The following LRRTM3 variants were observed in gnomAD, a reference collection of about 807,000 sequenced individuals.
The protein encoded by LRRTM3 is leucine rich repeat transmembrane neuronal 3, also known as leucine-rich repeat transmembrane neuronal protein 3.
A neutral mutation model predicts 44.7 loss-of-function variants in LRRTM3; 24 were observed. The observed-to-expected ratio is 0.54, with a 90% CI of 0.39 to 0.76. LRRTM3 has a LOEUF of 0.76. Ranked by LOEUF, LRRTM3 falls within the 30% of genes least tolerant of loss-of-function variation. The pLI is 0.00. For synonymous variants in LRRTM3, 277 were observed against 278.7 expected, an observed-to-expected ratio of 0.99 and a Z score of 0.06; for missense variants, 587 against 702.2, an observed-to-expected ratio of 0.84 and a Z score of 1.85.
intron 2 of LRRTM3, among the ~76,000 whole-genome samples, chr10:67,059,177 C>T (rs1053920735): frequency 6.6e-6 from 1 of 152,060 alleles, no homozygotes; most frequent in African/African-American, 2.4e-5. Flanking sequence ...AACATAACAT[C>T]CACTTTCTAA....
At chr10:66,960,884 C>G (rs1849072109) in intron 2 of LRRTM3, among the ~76,000 whole-genome samples, 1 of 152,094 alleles carries the variant, frequency 6.6e-6, no homozygotes, top group Non-Finnish European at 1.5e-5. Flanking sequence ...CTGTAGAAAT[C>G]TTGAGAGTGA....
chr10:66,939,308 T>A (rs1037115968), intron 2 of LRRTM3, among the ~76,000 whole-genome samples: 2 of 152,170 alleles, frequency 1.3e-5, no homozygotes, highest in Admixed American at 6.6e-5. Flanking sequence ...TTTCTTTTTC[T>A]CTTTCTCATC....
chr10:66,961,951 C>G (rs1849131080), intron 2 of LRRTM3, among the ~76,000 whole-genome samples: 1 of 152,140 alleles, frequency 6.6e-6, no homozygotes, highest in African/African-American at 2.4e-5. Context: ...CAACTCATCA[C>G]TAAATTCTAT....
At chr10:67,057,096 G>A (rs1203441938) in intron 2 of LRRTM3, among the ~76,000 whole-genome samples, 3 of 152,228 alleles carry the variant, frequency 2.0e-5, no homozygotes, top group African/African-American at 7.2e-5. Flanking sequence ...AAAGTTAGCT[G>A]ATCTAAAACA....
intron 2 of LRRTM3, chr10:67,012,276 T>C (rs1339113309): frequency 2.0e-5 from 3 of 152,174 alleles, no homozygotes; most frequent in African/African-American, 7.2e-5. Flanking sequence ...ATTCATTTCA[T>C]GGGTAGAGAA....
At position 66,927,696 on chromosome 10, in the gene LRRTM3, A is replaced by G. The variant is rs1564772325; in HGVS notation, c.780A>G (p.Leu260=). Residue 260 remains leucine, a synonymous_variant, in exon 2 of 3, where the codon TTA becomes TTG. Coordinates refer to ENST00000361320, the MANE Select transcript of LRRTM3 (RefSeq NM_178011.5). The surrounding 1 kb of genome is among the most constrained non-coding windows in gnomAD (Gnocchi z 4.7). ...GGAGCTCCTTACAAAGGCTTGATTT[A>G]TCAGGCAATGAGATCGAAGCTTTCA... The part of the protein sequence containing the change: ...WTWSSLQRLD[L]SGNEIEAFSG... The G allele has an allele frequency of 6.2e-7, 1 of 1,614,192 alleles. No individual in the cohort carries two copies.
intron 2 of LRRTM3, among the ~76,000 whole-genome samples, chr10:67,097,317 CT>C (rs1188838658): frequency 2.0e-5 from 3 of 151,834 alleles, no homozygotes; most frequent in Non-Finnish European, 4.4e-5. Context: ...TCCAATAAAT[CT>C]TTTATCATTT....
At chr10:66,966,585 A>G (rs1391841953) in intron 2 of LRRTM3, among the ~76,000 whole-genome samples, 1 of 152,088 alleles carries the variant, frequency 6.6e-6, no homozygotes, top group Non-Finnish European at 1.5e-5. Flanking sequence ...ACTGTAGGTC[A>G]GTTTTAGTGT....
In LRRTM3 at chr10:67,019,570, A is replaced by C. The variant is rs530097755; in HGVS notation, c.1537-78017A>C. On this transcript the variant is annotated intron_variant, in intron 2 of 2. Transcript: ENST00000361320. ...CAAGAACTTTATCGTATATAAAATT[A>C]TGTACACTTTATAAATAAGAAATAT... Among the ~76,000 whole-genome samples the C allele has an allele frequency of 1.3e-4, 20 of 152,332 alleles. 1 individual carries two copies. The South Asian group carries it at 3.5e-3, about 27-fold the overall frequency.
At chr10:67,094,791 C>G (rs1278758845) in intron 2 of LRRTM3, among the ~76,000 whole-genome samples, 9 of 151,462 alleles carry the variant, frequency 5.9e-5, no homozygotes, top group African/African-American at 1.9e-4. Context: ...AAAGACTTAC[C>G]TGAACACAAT....
rs1283842388 is a variant in LRRTM3, at chr10:66,942,591, T to C, written c.1536+14139T>C. 2.0e-5 allele frequency among the ~76,000 whole-genome samples: 3 copies of C among 151,630 alleles called. No homozygotes were observed. The South Asian group carries it at 6.2e-4, about 32-fold the overall frequency. On this transcript the variant is annotated intron_variant, in intron 2 of 2. Coordinates refer to ENST00000361320, the MANE Select transcript of LRRTM3 (RefSeq NM_178011.5). The stretch of plus-strand genomic sequence containing the variant: ...CTCTCTCTCTCTGTGTGTGTGTATG[T>C]GTGTGTGTGTGTCTGCGTGTGTGTG...
At chr10:67,001,734 C>G (rs1230178113) in intron 2 of LRRTM3, among the ~76,000 whole-genome samples, 1 of 152,052 alleles carries the variant, frequency 6.6e-6, no homozygotes, top group Non-Finnish European at 1.5e-5. Context: ...TTGTCAGGCA[C>G]ACATCAAGGA....
At chr10:67,037,984 TA>T (rs1041253502) in intron 2 of LRRTM3, among the ~76,000 whole-genome samples, 1 of 152,014 alleles carries the variant, frequency 6.6e-6, no homozygotes, top group Non-Finnish European at 1.5e-5. Context: ...TTAACATGAA[TA>T]AACAGAAAAA....
intron 2 of LRRTM3, among the ~76,000 whole-genome samples, chr10:67,083,413 A>G (rs1423560325): frequency 6.6e-6 from 1 of 151,990 alleles, no homozygotes; most frequent in African/African-American, 2.4e-5. Flanking sequence ...AAAAAAAAGT[A>G]TAGTCCTATC....
chr10:66,974,346 G>T (rs1794323138), intron 2 of LRRTM3, among the ~76,000 whole-genome samples: 1 of 152,130 alleles, frequency 6.6e-6, no homozygotes, highest in African/African-American at 2.4e-5. Context: ...CATTTTAATT[G>T]CTGAGTAATA....
chr10:67,003,025 A>G (rs1361079391), intron 2 of LRRTM3, among the ~76,000 whole-genome samples: 1 of 152,164 alleles, frequency 6.6e-6, no homozygotes, highest in African/African-American at 2.4e-5. Context: ...TTATGATACT[A>G]TTTATAATGC....
chr10:67,002,471 G>C (rs1851745375), intron 2 of LRRTM3, among the ~76,000 whole-genome samples: 1 of 152,104 alleles, frequency 6.6e-6, no homozygotes, highest in African/African-American at 2.4e-5. Flanking sequence ...CCAAGCCATA[G>C]ATAAGAGCTA....
intron 2 of LRRTM3, among the ~76,000 whole-genome samples, chr10:67,011,344 A>C (rs1423539812): frequency 6.6e-6 from 1 of 151,890 alleles, no homozygotes; most frequent in Non-Finnish European, 1.5e-5. Context: ...GTCTCAAAAA[A>C]AAAAAAAAAA....
intron 2 of LRRTM3, among the ~76,000 whole-genome samples, chr10:67,018,219 T>A (rs1274421691): frequency 6.6e-6 from 1 of 152,220 alleles, no homozygotes; most frequent in Admixed American, 6.5e-5. Context: ...CCACTTTCAT[T>A]TATTTTTACT....
Sources: allele counts gnomAD v4.1 joint callset (sites outside exome capture counted in the v4.1 genomes callset), GRCh38; gene constraint gnomAD v4.1.1; non-coding constraint Gnocchi (gnomAD v3.1); transcripts MANE v1.5; gene names NCBI Gene and HGNC (gene_info 2026-07-23, HGNC 2026-07-21).